MTRR: variants seen among roughly 807,000 people sequenced by gnomAD.
MTRR encodes 5-methyltetrahydrofolate-homocysteine methyltransferase reductase, also known as methionine synthase reductase.
In MTRR, 63 loss-of-function variants were observed where a neutral mutation model predicts 79.2. The ratio of observed to expected loss-of-function variants is 0.80; its 90% CI spans 0.65 to 0.98. The LOEUF (loss-of-function observed/expected upper bound fraction) is 0.98. MTRR is among the 50% of genes least tolerant of loss of function. The pLI is 0.00. For synonymous variants in MTRR, 355 were observed against 313.3 expected (o/e 1.13, Z -1.41); for missense variants, 895 against 839.6 (o/e 1.07, Z -0.82).
At chr5:7,899,771 C>T (rs527557071) in intron 14 of MTRR, 143 bp from the exon 15 acceptor site, 2 of 1,132,558 alleles carry the variant, frequency 1.8e-6, no homozygotes, top group South Asian at 1.3e-5. Flanking sequence ...ATGAGTGAGG[C>T]TGGGAGATCT....
chr5:7,858,643 G>A (rs1483094511), intron 1 of MTRR, among the ~76,000 whole-genome samples: 1 of 152,102 alleles, frequency 6.6e-6, no homozygotes, highest in Non-Finnish European at 1.5e-5. Context: ...CTCTGTGCAA[G>A]GCACTTTTCT....
At chr5:7,851,239 G>A (rs1246973072) in exon 1 of MTRR, 2 of 437,872 alleles carry the variant, frequency 4.6e-6, no homozygotes, top group Non-Finnish European at 7.5e-6. Context: ...CCGGCCCCTC[G>A]ACTACACCTG....
intron 8 of MTRR, among the ~76,000 whole-genome samples, chr5:7,887,793 C>CATATATACATATATACATATAT (rs1491410388): frequency 1.1e-5 from 1 of 92,052 alleles, no homozygotes; most frequent in Admixed American, 1.3e-4. Flanking sequence ...TGTGTGTGTG[C>CATATATACATATATACATATAT]ATATATATAT....
chr5:7,892,017 G>A (rs1737689537), intron 10 of MTRR, among the ~76,000 whole-genome samples: 1 of 152,092 alleles, frequency 6.6e-6, no homozygotes, highest in Non-Finnish European at 1.5e-5. Context: ...ACTCCAGCCT[G>A]GGCGACAGTG....
chr5:7,878,937 C>T (rs779237833), intron 5 of MTRR, among the ~76,000 whole-genome samples: 1 of 152,196 alleles, frequency 6.6e-6, no homozygotes, highest in Non-Finnish European at 1.5e-5. Flanking sequence ...AAACCACACC[C>T]TTACTGCAGC....
At chr5:7,885,640 C>A in intron 6 of MTRR, 61 bp from the exon 7 acceptor site, 2 of 1,505,454 alleles carry the variant, frequency 1.3e-6, no homozygotes, top group East Asian at 2.3e-5. Context: ...TGTTACCCTA[C>A]AGCTTAAACT....
In MTRR at chr5:7,889,262, C is replaced by CA; in HGVS notation, c.1315dup (p.Ser439LysfsTer9). The stretch of plus-strand genomic sequence containing the variant: ...CTTTCCCTTCTTGCCAGCCACCACT[C>CA]AGTCTCCTGCTCGGTGAGTAGTCGC... On this transcript the variant is annotated frameshift_variant, in exon 9 of 15. Transcript: ENST00000440940. LOFTEE classifies it high-confidence loss of function. 6.2e-7 allele frequency: 1 copy of CA among 1,612,796 alleles called. No homozygotes were observed. Among genetic ancestry groups the CA allele is most frequent in the Non-Finnish European group, 8.5e-7 (1 of 1,180,006 alleles).
intron 1 of MTRR, among the ~76,000 whole-genome samples, chr5:7,858,927 TA>T (rs888210312): frequency 4.6e-5 from 7 of 151,986 alleles, no homozygotes; most frequent in African/African-American, 7.3e-5. Context: ...AAATATTTAT[TA>T]AAAAAAAGTT....
At chr5:7,859,415 T>A in intron 1 of MTRR, 1 of 1,481,804 alleles carries the variant, frequency 6.7e-7, no homozygotes. Flanking sequence ...CTTCCATTGT[T>A]TGAGTTCTGA....
chr5:7,864,377 T>C (rs746857280), upstream of MTRR, among the ~76,000 whole-genome samples: 1 of 152,144 alleles, frequency 6.6e-6, no homozygotes, highest in Non-Finnish European at 1.5e-5. Flanking sequence ...TTTTTAAAAA[T>C]GTAAAATATT....
Position 7,873,406 on chromosome 5 carries a change from G to A in MTRR, c.163G>A (p.Val55Ile), listed in dbSNP as rs749876129. 10 of 1,614,162 alleles carry A rather than the reference G, an allele frequency of 6.2e-6. No homozygotes were observed. Among genetic ancestry groups the A allele is most frequent in the Non-Finnish European group, 7.6e-6 (9 of 1,180,034 alleles). Residue 55 changes from valine to isoleucine, a missense_variant, in exon 3 of 15, where the codon GTT becomes ATT. Coordinates refer to ENST00000440940, the MANE Select transcript of MTRR (RefSeq NM_002454.3). Reference sequence around the variant, plus strand: ...AAAAACCGAAACAGCTCCTCTTGTTGTTGTGGTTTCTACCACGGGCACCGG... The same window carrying A: ...AAAAACCGAAACAGCTCCTCTTGTTATTGTGGTTTCTACCACGGGCACCGG... ...DLKTETAPLV[V>I]VVSTTGTGDP...
At chr5:7,885,912 G>T in intron 7 of MTRR, 58 bp downstream of exon 7, 1 of 1,609,098 alleles carries the variant, frequency 6.2e-7, no homozygotes, top group Non-Finnish European at 8.5e-7. Flanking sequence ...TGGAGCTGAT[G>T]GTGAGAGTGT....
chr5:7,874,398 T>C (rs970495705), intron 3 of MTRR, among the ~76,000 whole-genome samples: 3 of 152,100 alleles, frequency 2.0e-5, no homozygotes, highest in African/African-American at 7.2e-5. Flanking sequence ...ATTTTTTTTT[T>C]ACCTTAAGTT....
chr5:7,891,307 T>C, intron 9 of MTRR, 65 bp from the exon 10 acceptor site: 1 of 851,812 alleles, frequency 1.2e-6, no homozygotes. Context: ...TTTTTTTTTT[T>C]TTTTTAGGTA....
At chr5:7,885,633 T>A in intron 6 of MTRR, 68 bp from the exon 7 acceptor site, 2 of 1,450,828 alleles carry the variant, frequency 1.4e-6, no homozygotes, top group Non-Finnish European at 1.9e-6. Flanking sequence ...ATATTTTTGT[T>A]ACCCTACAGC....
At position 7,875,283 on chromosome 5, in the gene MTRR, C is replaced by G; in HGVS notation, c.309C>G (p.Tyr103Ter). Reference sequence around the variant, plus strand: ...GTCTCGGTGATTCAGAATACACCTACTTTTGCAATGGGGGGAAGATAATTG... The same window carrying G: ...GTCTCGGTGATTCAGAATACACCTAGTTTTGCAATGGGGGGAAGATAATTG... ...LLGLGDSEYT[Y>*]FCNGGKIIDK... The change falls in exon 4 of 15, where the codon TAC (tyrosine) becomes TAG (stop). Residue 103 changes from tyrosine to a stop codon, truncating the protein, a stop_gained. Coordinates refer to ENST00000440940, the MANE Select transcript of MTRR (RefSeq NM_002454.3). LOFTEE classifies it high-confidence loss of function. 1 of 1,613,630 alleles carries G rather than the reference C, an allele frequency of 6.2e-7. No individual in the cohort carries two copies. The highest frequency in any genetic ancestry group is 8.5e-7 in the Non-Finnish European group (1 of 1,179,686).
Position 7,873,427 on chromosome 5 carries a change from A to G in MTRR, c.184A>G (p.Thr62Ala). ...PLVVVVSTTG[T>A]GDPPDTARKF... Reference sequence around the variant, plus strand: ...TGTTGTTGTGGTTTCTACCACGGGCACCGGAGACCCACCCGACACAGCCCG... The same window carrying G: ...TGTTGTTGTGGTTTCTACCACGGGCGCCGGAGACCCACCCGACACAGCCCG... Residue 62 changes from threonine (T) to alanine (A), a missense_variant, in exon 3 of 15, where the codon ACC becomes GCC. Coordinates refer to ENST00000440940, the MANE Select transcript of MTRR (RefSeq NM_002454.3). 2 of 1,614,190 alleles carry G rather than the reference A, an allele frequency of 1.2e-6. No homozygotes were observed. Among genetic ancestry groups the G allele is most frequent in the Non-Finnish European group, 1.7e-6 (2 of 1,180,032 alleles).
intron 12 of MTRR, 43 bp from the exon 13 acceptor site, chr5:7,896,821 A>G (rs1367721339): frequency 4.0e-6 from 6 of 1,500,280 alleles, no homozygotes; most frequent in South Asian, 3.4e-5. Context: ...GGTTTTACAT[A>G]TTCTTTATAT....
At chr5:7,898,406 A>G (rs954524974) in intron 14 of MTRR, among the ~76,000 whole-genome samples, 2 of 134,948 alleles carry the variant, frequency 1.5e-5, no homozygotes, top group African/African-American at 2.9e-5. Context: ...TATTCCAGAA[A>G]TAGCTCCTCC....
Sources: gnomAD v4.1 joint callset for allele counts (sites outside exome capture counted in the v4.1 genomes callset) on GRCh38, gnomAD v4.1.1 for gene constraint, MANE v1.5 for transcripts, NCBI Gene and HGNC (gene_info 2026-07-23, HGNC 2026-07-21) for gene names.